The following FGD3 variants were observed in gnomAD, a reference collection of about 807,000 sequenced individuals.
FGD3 encodes the protein FYVE, RhoGEF and PH domain containing 3.
FGD3 carries 45 observed loss-of-function variants against 71.8 expected under a neutral mutation model. The ratio of observed to expected loss-of-function variants is 0.63; its 90% CI spans 0.49 to 0.80. FGD3 has a LOEUF of 0.80. FGD3 is among the 30% of genes least tolerant of loss of function. The probability of loss-of-function intolerance (pLI) is 0.00; values close to 1 mark genes in which losing one functional copy is unlikely to be tolerated. For synonymous variants in FGD3, 378 were observed against 392.8 expected (o/e 0.96, Z 0.44); for missense variants, 844 against 951.5 (o/e 0.89, Z 1.49).
At chr9:92,963,458 C>T (rs976067507) in intron 1 of FGD3, among the ~76,000 whole-genome samples, 1 of 152,130 alleles carries the variant, frequency 6.6e-6, no homozygotes. Context: ...CGTCACAATG[C>T]CCAGCTGATT....
chr9:92,955,344 G>A (rs1417759906), intron 1 of FGD3, among the ~76,000 whole-genome samples: 1 of 152,052 alleles, frequency 6.6e-6, no homozygotes, highest in East Asian at 1.9e-4. Flanking sequence ...AGACCAGCCT[G>A]ACCAACATGG....
At chr9:93,032,373 G>A (rs888505808) in intron 15 of FGD3, 1 of 197,230 alleles carries the variant, frequency 5.1e-6, no homozygotes, top group Non-Finnish European at 1.1e-5. Context: ...TTTTGTCGCT[G>A]TTGTCATTGT....
At chr9:92,972,525 A>G (rs1859576565) in intron 1 of FGD3, among the ~76,000 whole-genome samples, 1 of 151,992 alleles carries the variant, frequency 6.6e-6, no homozygotes, top group Non-Finnish European at 1.5e-5. Flanking sequence ...ATTTTCCTGA[A>G]ATGTTTGTAG....
intron 3 of FGD3, among the ~76,000 whole-genome samples, chr9:93,001,526 A>G (rs1235765872): frequency 6.6e-6 from 1 of 152,164 alleles, no homozygotes; most frequent in East Asian, 1.9e-4. Flanking sequence ...AGACTCTCCA[A>G]TGAATCTATT....
intron 1 of FGD3, among the ~76,000 whole-genome samples, chr9:92,973,322 C>A (rs1202332109): frequency 6.6e-6 from 1 of 151,954 alleles, no homozygotes; most frequent in Non-Finnish European, 1.5e-5. Context: ...TCCATGTTGG[C>A]CAGGCTGGTC....
At chr9:93,010,869 C>G in intron 7 of FGD3, among the ~76,000 whole-genome samples, 1 of 152,112 alleles carries the variant, frequency 6.6e-6, no homozygotes, top group East Asian at 1.9e-4. Context: ...AATGCTGGCC[C>G]TGTTCAGAGC....
Position 92,972,572 on chromosome 9 carries a change from C to T in FGD3, c.-217-2666C>T, listed in dbSNP as rs549726656. 1.3e-3 allele frequency among the ~76,000 whole-genome samples: 192 copies of T among 146,960 alleles called. 2 individuals carry two copies. The highest frequency in any genetic ancestry group is 0.011 in the Middle Eastern group (3 of 278). ...GAAGATCTCTGTGCCTGAAGTTCTCCATGTGGGAAAAGTTTTAACTACAAG... is the reference window on the plus strand; with the variant it reads ...GAAGATCTCTGTGCCTGAAGTTCTCTATGTGGGAAAAGTTTTAACTACAAG... On this transcript the variant is annotated intron_variant, in intron 1 of 17. Transcript: ENST00000375482.
At chr9:93,022,014 G>GACCC (rs1861937573) in intron 13 of FGD3, among the ~76,000 whole-genome samples, 4 of 152,260 alleles carry the variant, frequency 2.6e-5, no homozygotes, top group African/African-American at 9.6e-5. Flanking sequence ...AACCCAAAGG[G>GACCC]ACCCTCCTTA....
Position 93,010,885 on chromosome 9 carries a change from C to T in FGD3, c.977-329C>T, listed in dbSNP as rs553080915. Among the ~76,000 whole-genome samples, 16 of 152,224 alleles carry T rather than the reference C, an allele frequency of 1.1e-4. No individual in the cohort carries two copies. The East Asian group carries it at 2.7e-3, about 26-fold the overall frequency. ...ATGCTGGCCCTGTTCAGAGCTTAGG[C>T]CCCAGGAATGGGCCTCATAGGGCTG... On this transcript the variant is annotated intron_variant, in intron 7 of 17. Transcript: ENST00000375482.
chr9:93,025,117 G>A (rs565543068), intron 14 of FGD3, among the ~76,000 whole-genome samples: 17 of 152,326 alleles, frequency 1.1e-4, no homozygotes, highest in East Asian at 9.6e-4. Flanking sequence ...GCTGTGCCTC[G>A]ATGGGTGCGC....
At chr9:93,029,010 T>G (rs1382461641) in intron 14 of FGD3, among the ~76,000 whole-genome samples, 20 of 103,020 alleles carry the variant, frequency 1.9e-4, no homozygotes, top group South Asian at 1.3e-3. Flanking sequence ...TTTTTTTTTT[T>G]TTTTTTTTTT....
At position 93,022,362 on chromosome 9, in the gene FGD3, C is replaced by CACT; in HGVS notation, c.1532_1533insTAC (p.Thr511dup). ...CCAGCCCTGTGGAGCCTGTGGTGAC[C>CACT]ACCGAAGGCAGTTCGGGTGCAGCAG... On this transcript the variant is annotated inframe_insertion, in exon 14 of 18. Coordinates refer to ENST00000375482, the MANE Select transcript of FGD3 (RefSeq NM_001083536.2). 1 of 1,612,606 alleles carries CACT rather than the reference C, an allele frequency of 6.2e-7. No individual in the cohort carries two copies. The highest frequency in any genetic ancestry group is 8.5e-7 in the Non-Finnish European group (1 of 1,179,444).
chr9:93,012,735 G>A (rs1861481625), intron 8 of FGD3, among the ~76,000 whole-genome samples: 2 of 151,764 alleles, frequency 1.3e-5, no homozygotes, highest in Admixed American at 1.3e-4. Context: ...GCTCAGAACA[G>A]GACCTGCCTG....
At chr9:92,960,955 C>T (rs756508593) in intron 1 of FGD3, among the ~76,000 whole-genome samples, 63 of 151,938 alleles carry the variant, frequency 4.1e-4, no homozygotes, top group Admixed American at 1.0e-3. Flanking sequence ...GGGGCTCTCT[C>T]CTGGTGAGTG....
chr9:93,032,645 C>T (rs962650180), intron 15 of FGD3, 124 bp from the exon 16 acceptor site: 48 of 895,368 alleles, frequency 5.4e-5, no homozygotes, highest in Non-Finnish European at 7.8e-5. Context: ...CCTCGCCACA[C>T]GCCACACTGT....
At chr9:92,973,653 A>G (rs1225488032) in intron 1 of FGD3, among the ~76,000 whole-genome samples, 1 of 152,150 alleles carries the variant, frequency 6.6e-6, no homozygotes, top group Admixed American at 6.5e-5. Flanking sequence ...ATTCAACGCA[A>G]TGCCCCGTGA....
In FGD3 at chr9:93,032,755, CCT is replaced by C. The variant is rs1175892846; in HGVS notation, c.1681-11_1681-10del. 6 of 1,613,594 alleles carry C rather than the reference CCT, an allele frequency of 3.7e-6. No homozygotes were observed. Among genetic ancestry groups the C allele is most frequent in the Non-Finnish European group, 5.1e-6 (6 of 1,179,614 alleles). ...CCCAGGGTGCTGGGGTCACACGTGC[CCT>C]CTGTTTGGCAGGTCATCTGTGGGAA... On this transcript the variant is annotated splice_polypyrimidine_tract_variant and intron_variant, in intron 15 of 17. Coordinates refer to ENST00000375482, the MANE Select transcript of FGD3 (RefSeq NM_001083536.2).
chr9:93,022,514 G>A, intron 14 of FGD3, 125 bp downstream of exon 14: 1 of 973,074 alleles, frequency 1.0e-6, no homozygotes, highest in East Asian at 2.7e-5. Flanking sequence ...GGAGGGCTGA[G>A]GGGCCAGTCT....
chr9:92,956,104 T>C (rs1018948290), intron 1 of FGD3, among the ~76,000 whole-genome samples: 12 of 152,250 alleles, frequency 7.9e-5, no homozygotes, highest in African/African-American at 2.7e-4. Context: ...TAAATTCACA[T>C]ACTAGTTCTG....
Sources: allele counts gnomAD v4.1 joint callset (sites outside exome capture counted in the v4.1 genomes callset), GRCh38; gene constraint gnomAD v4.1.1; transcripts MANE v1.5; gene names NCBI Gene and HGNC (gene_info 2026-07-23, HGNC 2026-07-21).